TENM2: variants seen among roughly 807,000 people sequenced by gnomAD.
TENM2 encodes the protein teneurin transmembrane protein 2, also known as teneurin-2.
Under a neutral mutation model 245.2 loss-of-function variants are expected in TENM2, and 52 were observed. That is an observed-to-expected ratio of 0.21 (90% CI 0.17 to 0.27). The LOEUF (loss-of-function observed/expected upper bound fraction) is 0.27. Ranked by LOEUF, TENM2 falls within the 10% of genes least tolerant of loss-of-function variation. The pLI is 1.00. For missense variants in TENM2, 3,046 were observed against 3,666.8 expected (o/e 0.83, Z 4.37); for synonymous variants, 1,363 against 1,438.9 (o/e 0.95, Z 1.19).
chr5:168,010,145 A>G (rs1381164683), intron 5 of TENM2, among the ~76,000 whole-genome samples: 2 of 152,238 alleles, frequency 1.3e-5, no homozygotes, highest in African/African-American at 4.8e-5. Context: ...TTCAACATAC[A>G]TATGGGGAGT....
At chr5:167,013,832 T>C in the TENM2 span, among the ~76,000 whole-genome samples, 1 of 152,226 alleles carries the variant, frequency 6.6e-6, no homozygotes, top group East Asian at 1.9e-4. Context: ...TTTTGTTTGA[T>C]TGTAAGATTA....
intron 2 of TENM2, among the ~76,000 whole-genome samples, chr5:167,627,199 T>C (rs1778565533): frequency 6.6e-6 from 1 of 152,160 alleles, no homozygotes; most frequent in Non-Finnish European, 1.5e-5. Flanking sequence ...AGATAATGGA[T>C]TGAATTCAGT....
intron 2 of TENM2, among the ~76,000 whole-genome samples, chr5:167,493,227 A>G (rs1372732089): frequency 6.6e-6 from 1 of 152,156 alleles, no homozygotes; most frequent in African/African-American, 2.4e-5. Flanking sequence ...GCGGTAAGCT[A>G]TGATCTTGCC....
At chr5:167,151,253 TA>T in the TENM2 span, among the ~76,000 whole-genome samples, 27 of 152,264 alleles carry the variant, frequency 1.8e-4, no homozygotes, top group African/African-American at 6.0e-4. Flanking sequence ...AAAACATTAT[TA>T]TTTTTTTCAA....
intron 2 of TENM2, among the ~76,000 whole-genome samples, chr5:167,591,930 G>A (rs1258371425): frequency 3.3e-5 from 5 of 152,302 alleles, no homozygotes; most frequent in East Asian, 3.9e-4. Context: ...TTTTATGTAC[G>A]CTGTTGAGAG....
the TENM2 span, among the ~76,000 whole-genome samples, chr5:167,044,006 G>A: frequency 7.7e-5 from 11 of 141,978 alleles, no homozygotes; most frequent in Non-Finnish European, 1.2e-4. Context: ...GTGACAGAGC[G>A]AGACTGCATC....
At chr5:168,085,236 T>C (rs1371295520) in intron 7 of TENM2, 1 of 152,232 alleles carries the variant, frequency 6.6e-6, no homozygotes, top group Non-Finnish European at 1.5e-5. Context: ...TTATTTTTTA[T>C]TACTTTTGCT....
chr5:168,060,221 C>G (rs1267511684), intron 6 of TENM2, among the ~76,000 whole-genome samples: 1 of 147,488 alleles, frequency 6.8e-6, no homozygotes, highest in East Asian at 2.0e-4. Flanking sequence ...GACACCTTGT[C>G]TCTACGAAAA....
the TENM2 span, among the ~76,000 whole-genome samples, chr5:167,239,965 G>C: frequency 6.6e-6 from 1 of 152,106 alleles, no homozygotes; most frequent in East Asian, 1.9e-4. Context: ...GTAGAGACAG[G>C]GTTCTTCCAT....
chr5:167,634,042 G>GA (rs1479769834), intron 2 of TENM2, among the ~76,000 whole-genome samples: 1 of 152,120 alleles, frequency 6.6e-6, no homozygotes, highest in Non-Finnish European at 1.5e-5. Context: ...ATTAGTTGTG[G>GA]AAAACTTGGG....
intron 2 of TENM2, among the ~76,000 whole-genome samples, chr5:167,575,790 T>C (rs1024162557): frequency 2.6e-5 from 4 of 152,238 alleles, no homozygotes; most frequent in Admixed American, 1.3e-4. Flanking sequence ...GGTGGTAGCA[T>C]AGTGAGTTTT....
chr5:167,935,717 T>C (rs951183386), intron 3 of TENM2, among the ~76,000 whole-genome samples: 5 of 152,122 alleles, frequency 3.3e-5, no homozygotes, highest in African/African-American at 1.2e-4. Flanking sequence ...TGAGAAAGCC[T>C]CTGCTAGCTG....
At chr5:167,870,569 A>ATATGTG (rs372917707) in intron 2 of TENM2, among the ~76,000 whole-genome samples, 9 of 142,444 alleles carry the variant, frequency 6.3e-5, no homozygotes, top group African/African-American at 1.9e-4. Flanking sequence ...ATATATATAT[A>ATATGTG]TGTGTGTGTA....
At chr5:168,182,067 G>C (rs1194115633) in intron 13 of TENM2, among the ~76,000 whole-genome samples, 2 of 152,138 alleles carry the variant, frequency 1.3e-5, no homozygotes, top group African/African-American at 4.8e-5. Context: ...AGGCAGCCAG[G>C]GTATTAATGG....
intron 9 of TENM2, among the ~76,000 whole-genome samples, chr5:168,107,012 A>AT (rs1259731893): frequency 3.5e-4 from 53 of 152,140 alleles, no homozygotes; most frequent in African/African-American, 1.1e-3. Context: ...ATGAGCAGAG[A>AT]TTTTGCCACT....
the TENM2 span, among the ~76,000 whole-genome samples, chr5:167,268,052 C>T: frequency 4.5e-4 from 68 of 152,148 alleles, no homozygotes; most frequent in African/African-American, 1.6e-3. Flanking sequence ...CATGTGTATT[C>T]TTCTGGAACT....
At chr5:168,076,887 G>C (rs1036325199) in intron 7 of TENM2, among the ~76,000 whole-genome samples, 2 of 152,100 alleles carry the variant, frequency 1.3e-5, no homozygotes, top group Non-Finnish European at 2.9e-5. Context: ...ACACACACAC[G>C]TGCAAATGAG....
intron 2 of TENM2, among the ~76,000 whole-genome samples, chr5:167,597,755 A>G (rs1029110226): frequency 3.3e-5 from 5 of 152,108 alleles, no homozygotes; most frequent in Admixed American, 3.3e-4. Flanking sequence ...TTATATATGC[A>G]TGTCATATTT....
intron 2 of TENM2, among the ~76,000 whole-genome samples, chr5:167,424,484 T>C (rs1763694120): frequency 6.6e-6 from 1 of 152,192 alleles, no homozygotes; most frequent in Non-Finnish European, 1.5e-5. Context: ...AAACTAAGGT[T>C]ATTAAATGGT....
Sources: allele counts gnomAD v4.1 joint callset (sites outside exome capture counted in the v4.1 genomes callset), GRCh38; gene constraint gnomAD v4.1.1; transcripts MANE v1.5; gene names NCBI Gene and HGNC (gene_info 2026-07-23, HGNC 2026-07-21).